SLCO1A2: variants seen among roughly 807,000 people sequenced by gnomAD.
The protein encoded by SLCO1A2 is OATP-1.
In SLCO1A2, 67 loss-of-function variants were observed where a neutral mutation model predicts 69.0. The ratio of observed to expected loss-of-function variants is 0.97; its 90% CI spans 0.80 to 1.19. The LOEUF is 1.19. Ranked by LOEUF, SLCO1A2 falls within the 50% of genes most tolerant of loss-of-function variation. The probability of loss-of-function intolerance (pLI) is 0.00; values close to 1 mark genes in which losing one functional copy is unlikely to be tolerated. For synonymous variants in SLCO1A2, 260 were observed against 265.9 expected (o/e 0.98, Z 0.22); for missense variants, 787 against 793.7 (o/e 0.99, Z 0.10).
At chr12:21,418,572 C>A (rs1451407764), upstream of SLCO1A2, among the ~76,000 whole-genome samples, 4 of 152,052 alleles carry the variant, frequency 2.6e-5, no homozygotes, top group African/African-American at 9.7e-5. Context: ...GAATGAGAGC[C>A]AAGTGAAAGG....
At chr12:21,382,712 T>C (rs1159539089) in intron 1 of SLCO1A2, among the ~76,000 whole-genome samples, 3 of 150,322 alleles carry the variant, frequency 2.0e-5, no homozygotes, top group Non-Finnish European at 3.0e-5. Context: ...GGAGAGTCGC[T>C]TGAACCTGGG....
intron 1 of SLCO1A2, among the ~76,000 whole-genome samples, chr12:21,389,979 CA>C (rs1350767493): frequency 3.3e-5 from 5 of 150,768 alleles, no homozygotes; most frequent in African/African-American, 4.8e-5. Context: ...CTTTTAATGG[CA>C]AAAAGACACA....
chr12:21,403,374 C>G (rs2137195900), intron 1 of SLCO1A2: 1 of 152,228 alleles, frequency 6.6e-6, no homozygotes, highest in Admixed American at 6.5e-5. Context: ...GTACAAATGA[C>G]TAAATTGCAA....
intron 2 of SLCO1A2, among the ~76,000 whole-genome samples, chr12:21,355,686 A>G (rs1938312489): frequency 6.6e-6 from 1 of 152,218 alleles, no homozygotes; most frequent in Non-Finnish European, 1.5e-5. Flanking sequence ...TAGGATTCTT[A>G]CAGATTAAGT....
intron 1 of SLCO1A2, among the ~76,000 whole-genome samples, chr12:21,389,376 C>A (rs983411274): frequency 6.6e-6 from 1 of 152,010 alleles, no homozygotes. Context: ...GAAATACCCA[C>A]AAATATGGTC....
At chr12:21,289,632 A>G (rs1337106389) in intron 12 of SLCO1A2, among the ~76,000 whole-genome samples, 4 of 152,098 alleles carry the variant, frequency 2.6e-5, no homozygotes, top group African/African-American at 9.7e-5. Context: ...TGTCTTTTAT[A>G]ATAACCTTCA....
intron 2 of SLCO1A2, among the ~76,000 whole-genome samples, chr12:21,363,197 C>T (rs1218171532): frequency 6.6e-6 from 1 of 152,186 alleles, no homozygotes; most frequent in Non-Finnish European, 1.5e-5. Flanking sequence ...CAAACTGTCT[C>T]TCAGACCACA....
chr12:21,279,105 C>T (rs963778406), intron 12 of SLCO1A2, among the ~76,000 whole-genome samples: 5 of 151,346 alleles, frequency 3.3e-5, no homozygotes, highest in Non-Finnish European at 7.4e-5. Context: ...ATTTATCAAG[C>T]AGAAGAGAGA....
chr12:21,275,716 G>A (rs1425179698), intron 12 of SLCO1A2, among the ~76,000 whole-genome samples: 3 of 152,136 alleles, frequency 2.0e-5, no homozygotes, highest in South Asian at 4.2e-4. Flanking sequence ...CAAGGCAGAC[G>A]GATCACCTGA....
upstream of SLCO1A2, among the ~76,000 whole-genome samples, chr12:21,335,228 T>C (rs1952841810): frequency 6.6e-6 from 1 of 151,882 alleles, no homozygotes; most frequent in Non-Finnish European, 1.5e-5. Context: ...TGCTGATACA[T>C]GGAAACCTGG....
At chr12:21,333,621 C>A (rs896962391) in intron 2 of SLCO1A2, among the ~76,000 whole-genome samples, 4 of 152,014 alleles carry the variant, frequency 2.6e-5, no homozygotes, top group Non-Finnish European at 4.4e-5. Flanking sequence ...CCAAAGCAAT[C>A]AAAAATTAAA....
At chr12:21,376,778 A>G (rs987788417) in intron 1 of SLCO1A2, among the ~76,000 whole-genome samples, 26 of 152,092 alleles carry the variant, frequency 1.7e-4, no homozygotes, top group Non-Finnish European at 2.5e-4. Flanking sequence ...AGATAAATCC[A>G]TTGCATTTGA....
intron 1 of SLCO1A2, among the ~76,000 whole-genome samples, chr12:21,376,923 T>G: frequency 6.6e-6 from 1 of 152,150 alleles, no homozygotes; most frequent in Non-Finnish European, 1.5e-5. Flanking sequence ...TTTCTCTAAC[T>G]TTCCTAATAA....
chr12:21,289,372 T>C (rs994680553), intron 12 of SLCO1A2, among the ~76,000 whole-genome samples: 8 of 152,098 alleles, frequency 5.3e-5, no homozygotes, highest in African/African-American at 1.9e-4. Context: ...CCTGAGTCTA[T>C]AGTAATGAGA....
At chr12:21,357,426 CA>C (rs981686918) in intron 2 of SLCO1A2, among the ~76,000 whole-genome samples, 64 of 152,284 alleles carry the variant, frequency 4.2e-4, no homozygotes, top group African/African-American at 1.4e-3. Context: ...CAGATAGAAC[CA>C]ACCCTGCTGA....
chr12:21,316,506 A>T (rs1950881234), intron 3 of SLCO1A2, among the ~76,000 whole-genome samples: 1 of 151,040 alleles, frequency 6.6e-6, no homozygotes, highest in African/African-American at 2.4e-5. Context: ...ATAGTTCTTC[A>T]TCCTTGTCTA....
rs1360575717 is a variant in SLCO1A2, at chr12:21,304,524, G to A, written c.492C>T (p.Gly164=). ...TTTCACCCATTCCACGTACAATATT[G>A]CCTACTAGGACGTACACCCACATTA... ...KSLMWVYVLV[G]NIVRGMGETP... Residue 164 remains glycine, a synonymous_variant, in exon 6 of 15, where the codon GGC becomes GGT. Transcript: ENST00000683939. 6.2e-7 allele frequency: 1 copy of A among 1,612,324 alleles called. No individual in the cohort carries two copies. Among genetic ancestry groups the A allele is most frequent in the Admixed American group, 1.7e-5 (1 of 59,940 alleles).
rs996766656 is a variant in SLCO1A2, at chr12:21,267,735, T to C, written c.*1813A>G. The stretch of plus-strand genomic sequence containing the variant: ...ATTCCCCTGAAACCTTCTCATGCAG[T>C]GGCTGTTTACTTTTTCTTGCTGCTC... On this transcript the variant is annotated 3_prime_UTR_variant, in exon 15 of 15. Transcript: ENST00000683939. 2 of 152,158 alleles carry C rather than the reference T, an allele frequency of 1.3e-5. No homozygotes were observed. Among genetic ancestry groups the C allele is most frequent in the Non-Finnish European group, 2.9e-5 (2 of 68,046 alleles). The allele number at this position is 152,158 out of a possible 1,614,324, so 9.4% of individuals were successfully genotyped here. A position where few individuals can be genotyped will look rare whatever the true frequency, so the allele number is the denominator to read the frequency against.
At chr12:21,292,909 AAC>A (rs921854926) in intron 11 of SLCO1A2, among the ~76,000 whole-genome samples, 1 of 152,198 alleles carries the variant, frequency 6.6e-6, no homozygotes, top group Admixed American at 6.5e-5. Flanking sequence ...CACTTTTTAA[AAC>A]AGTGTTTTGA....
Sources: allele counts gnomAD v4.1 joint callset (sites outside exome capture counted in the v4.1 genomes callset), GRCh38; gene constraint gnomAD v4.1.1; transcripts MANE v1.5; gene names NCBI Gene and HGNC (gene_info 2026-07-23, HGNC 2026-07-21).